Variants in KHK observed in about 807,000 individuals in gnomAD.
KHK encodes fructokinase.
Under a neutral mutation model 36.0 loss-of-function variants are expected in KHK, and 37 were observed. The ratio of observed to expected loss-of-function variants is 1.03; its 90% confidence interval spans 0.79 to 1.35. The LOEUF (loss-of-function observed/expected upper bound fraction) is 1.35. Among genes scored for constraint, KHK ranks in the 40% most tolerant of loss-of-function variants. The pLI is 0.00. For missense variants in KHK, 395 were observed against 391.9 expected, an observed-to-expected ratio of 1.01 and a Z score of -0.07; for synonymous variants, 161 against 162.8, an observed-to-expected ratio of 0.99 and a Z score of 0.08.
intron 5 of KHK, among the ~76,000 whole-genome samples, chr2:27,098,539 G>T (rs1473022745): frequency 6.6e-6 from 1 of 152,118 alleles, no homozygotes; most frequent in Admixed American, 6.5e-5. Flanking sequence ...TACTCAGGAG[G>T]CTGAGGCAGG....
intron 1 of KHK, among the ~76,000 whole-genome samples, chr2:27,090,363 A>C (rs1428635386): frequency 2.0e-5 from 3 of 151,752 alleles, no homozygotes; most frequent in Non-Finnish European, 4.4e-5. Flanking sequence ...AGATCCCTCG[A>C]GATTCCTCCT....
rs1324994729 is a variant in KHK, at chr2:27,099,410, C to T, written c.654-10C>T. 10 of 1,612,740 alleles carry T rather than the reference C, an allele frequency of 6.2e-6. No individual in the cohort carries two copies. Among genetic ancestry groups the T allele is most frequent in the East Asian group, 2.2e-5 (1 of 44,842 alleles). ...GGGCTAACACCCAGCTGAGTGGAGCCGTCTTGCAGGGCTGTGCTTGTCTGT... is the reference window on the plus strand; with the variant it reads ...GGGCTAACACCCAGCTGAGTGGAGCTGTCTTGCAGGGCTGTGCTTGTCTGT... On this transcript the variant is annotated splice_polypyrimidine_tract_variant and intron_variant, in intron 6 of 7. Coordinates refer to ENST00000260598, the MANE Select transcript of KHK (RefSeq NM_006488.3).
chr2:27,094,023 C>A (rs75648064), intron 2 of KHK, among the ~76,000 whole-genome samples: 5,124 of 152,228 alleles, frequency 0.034, 291 homozygotes, highest in African/African-American at 0.12. Context: ...GGACAGCACC[C>A]TGGATGAGCT....
At position 27,094,797 on chromosome 2, in the gene KHK, A is replaced by G. The variant is rs750042875; in HGVS notation, c.210-3A>G. 3.1e-6 allele frequency: 5 copies of G among 1,613,692 alleles called. No individual in the cohort carries two copies. In the South Asian group the frequency reaches 5.5e-5, roughly 18 times the overall value. ...CTTTTCCTGGCCCGGCCTCCACCCT[A>G]AGCTTCCTGGTGGCCGACTTCAGGC... On this transcript the variant is annotated splice_region_variant and splice_polypyrimidine_tract_variant and intron_variant, in intron 2 of 7. Coordinates refer to ENST00000260598, the MANE Select transcript of KHK (RefSeq NM_006488.3).
chr2:27,087,176 G>T lies in KHK; in HGVS notation c.-84G>T. The T allele has an allele frequency of 8.5e-7, 1 of 1,181,650 alleles. No homozygotes were observed. The highest frequency in any genetic ancestry group is 1.3e-5 in the South Asian group (1 of 75,038). The allele number at this position is 1,181,650 out of a possible 1,614,324, so 73.2% of individuals were successfully genotyped here. ...AGGAGGAGCCAGGGCAGCTGGGAGC[G>T]GGGACACCATCCTCCTGGATAAGAG... is the stretch of plus-strand genomic sequence containing the variant. On this transcript the variant is annotated 5_prime_UTR_variant, in exon 1 of 8. Transcript: ENST00000260598.
intron 4 of KHK, among the ~76,000 whole-genome samples, chr2:27,097,011 G>GT (rs1460552631): frequency 6.6e-6 from 1 of 152,214 alleles, no homozygotes; most frequent in Non-Finnish European, 1.5e-5. Context: ...ACAGCAGAAC[G>GT]TAAGCACAGC....
intron 4 of KHK, 43 bp downstream of exon 4, chr2:27,096,844 A>AGCCTCCTCCACATGTTCT (rs1433127260): frequency 2.8e-6 from 4 of 1,415,922 alleles, no homozygotes; most frequent in Non-Finnish European, 4.0e-6. Context: ...TCAACCTGCC[A>AGCCTCCTCCACATGTTCT]GCCTCCTCCA....
intron 2 of KHK, among the ~76,000 whole-genome samples, chr2:27,092,803 G>A (rs1670096843): frequency 6.6e-6 from 1 of 152,190 alleles, no homozygotes. Flanking sequence ...TGAGGCAGAA[G>A]GCAGTTAGGG....
chr2:27,100,714 G>A lies in KHK; in HGVS notation c.*964G>A, dbSNP rs1472911698. On this transcript the variant is annotated 3_prime_UTR_variant, in exon 8 of 8. Transcript: ENST00000260598. Reference sequence around the variant, plus strand: ...AATTCTGCTTGGCTACAGAATTATTGTGAGGATAAAATCATATATAAAATG... The same window carrying A: ...AATTCTGCTTGGCTACAGAATTATTATGAGGATAAAATCATATATAAAATG... 1 of 1,121,848 alleles carries A rather than the reference G, an allele frequency of 8.9e-7. No homozygotes were observed. The highest frequency in any genetic ancestry group is 1.1e-6 in the Non-Finnish European group (1 of 879,276). The allele number at this position is 1,121,848 out of a possible 1,614,324, so 69.5% of individuals were successfully genotyped here.
rs749810467 is a variant in KHK at position 27,087,318 on chromosome 2, T to G, written c.59T>G (p.Val20Gly). The change falls in exon 1 of 8, where the codon GTG becomes GGG. Residue 20 changes from valine (V) to glycine (G), a missense_variant. Val to Gly is a moderately radical substitution (Grantham distance 109). Transcript: ENST00000260598. ...GLVVLDVISL[V>G]DKYPKEDSEI... ...GTGGTGCTGGACGTCATCAGCCTGGTGGACAAGTACCCTAAGGAGGACTCG... is the reference window on the plus strand; with the variant it reads ...GTGGTGCTGGACGTCATCAGCCTGGGGGACAAGTACCCTAAGGAGGACTCG... 163 of 1,600,312 alleles carry G rather than the reference T, an allele frequency of 1.0e-4. No individual in the cohort carries two copies. Among genetic ancestry groups the G allele is most frequent in the Non-Finnish European group, 1.3e-4 (158 of 1,173,118 alleles).
chr2:27,091,642 C>T (rs1398901593), intron 1 of KHK, among the ~76,000 whole-genome samples: 2 of 152,154 alleles, frequency 1.3e-5, no homozygotes, highest in Non-Finnish European at 2.9e-5. Context: ...GCTCCAGTAA[C>T]ACTGTGAGGG....
chr2:27,099,231 G>C lies in KHK; in HGVS notation c.600G>C (p.Gly200=). 4 of 1,614,176 alleles carry C rather than the reference G, an allele frequency of 2.5e-6. No individual in the cohort carries two copies. Among genetic ancestry groups the C allele is most frequent in the Non-Finnish European group, 3.4e-6 (4 of 1,180,028 alleles). ...FVSKDVAKHL[G]FQSAEEALRG... is the part of the protein sequence containing the mutation. Reference sequence around the variant, plus strand: ...GCAAAGATGTGGCCAAGCACTTGGGGTTCCAGTCAGCAGAGGAAGCCTTGA... The same window carrying C: ...GCAAAGATGTGGCCAAGCACTTGGGCTTCCAGTCAGCAGAGGAAGCCTTGA... Residue 200 remains glycine (G), a synonymous_variant, in exon 6 of 8, where the codon GGG becomes GGC. Transcript: ENST00000260598.
Position 27,092,357 on chromosome 2 carries a change from G to A in KHK, c.118G>A (p.Gly40Arg), listed in dbSNP as rs104893643. ...IRCLSQRWQR[G>R]GNASNSCTVL... ...GTGTTTGTCCCAGAGATGGCAGCGC[G>A]GAGGCAACGCGTCCAACTCCTGCAC... The change falls in exon 2 of 8, where the codon GGA becomes AGA. Residue 40 changes from glycine (G) to arginine (R), a missense_variant. By Grantham distance (125) the Gly-to-Arg change is moderately radical. Coordinates refer to ENST00000260598, the MANE Select transcript of KHK (RefSeq NM_006488.3). 347 of 1,613,320 alleles carry A rather than the reference G, an allele frequency of 2.2e-4. 1 individual carries two copies. The highest frequency in any genetic ancestry group is 2.8e-4 in the Admixed American group (17 of 60,032).
rs1270615782 is a variant in KHK, at chr2:27,094,793, C to T, written c.210-7C>T. The T allele has an allele frequency of 6.2e-6, 10 of 1,613,956 alleles. No homozygotes were observed. Among genetic ancestry groups the T allele is most frequent in the Non-Finnish European group, 5.9e-6 (7 of 1,180,060 alleles). On this transcript the variant is annotated splice_region_variant and splice_polypyrimidine_tract_variant and intron_variant, in intron 2 of 7. Transcript: ENST00000260598. ...TGCCCTTTTCCTGGCCCGGCCTCCA[C>T]CCTAAGCTTCCTGGTGGCCGACTTC...
intron 1 of KHK, among the ~76,000 whole-genome samples, chr2:27,091,214 G>T (rs1669982545): frequency 6.6e-6 from 1 of 151,946 alleles, no homozygotes; most frequent in Non-Finnish European, 1.5e-5. Context: ...CTGAGTAGCT[G>T]GGACCACGGG....
chr2:27,092,563 A>G (rs1250477477), intron 2 of KHK, 115 bp downstream of exon 2: 3 of 789,624 alleles, frequency 3.8e-6, no homozygotes, highest in Non-Finnish European at 6.4e-6. Context: ...GTCCAGCAGA[A>G]ACGCGGGGAG....
chr2:27,087,343 G>C lies in KHK; in HGVS notation c.84G>C (p.Ser28=), dbSNP rs1414020826. Residue 28 remains serine (S), a synonymous_variant, in exon 1 of 8, where the codon TCG becomes TCC. Coordinates refer to ENST00000260598, the MANE Select transcript of KHK (RefSeq NM_006488.3). The stretch of plus-strand genomic sequence containing the variant: ...TGGACAAGTACCCTAAGGAGGACTC[G>C]GAGATAAGGTAGGGGCGCCCAGGTC... The part of the protein sequence containing the change: ...SLVDKYPKED[S]EIRCLSQRWQ... 1 of 1,590,294 alleles carries C rather than the reference G, an allele frequency of 6.3e-7. No homozygotes were observed. The highest frequency in any genetic ancestry group is 1.8e-5 in the Admixed American group (1 of 56,614).
intron 1 of KHK, 126 bp from the exon 2 acceptor site, chr2:27,092,206 T>G: frequency 2.4e-6 from 2 of 822,666 alleles, no homozygotes; most frequent in Non-Finnish European, 4.2e-6. Context: ...GGGTACAAAG[T>G]GAGACGTCGG....
chr2:27,087,106 C>G lies in KHK; in HGVS notation c.-154C>G. The G allele has an allele frequency of 1.6e-6, 1 of 636,584 alleles. No individual in the cohort carries two copies. The highest frequency in any genetic ancestry group is 2.8e-6 in the Non-Finnish European group (1 of 357,956). 39.4% of individuals were successfully genotyped at this position (636,584 alleles called of 1,614,324 possible). On this transcript the variant is annotated 5_prime_UTR_variant, in exon 1 of 8. Transcript: ENST00000260598. The stretch of plus-strand genomic sequence containing the variant: ...CCCTGCTCCTTTCGTTCCCTGCACC[C>G]CTGGCCGCTGCAGGTGGCTCCCTGG...
Sources: gnomAD v4.1 joint callset for allele counts (sites outside exome capture counted in the v4.1 genomes callset) on GRCh38, gnomAD v4.1.1 for gene constraint, MANE v1.5 for transcripts, NCBI Gene and HGNC (gene_info 2026-07-23, HGNC 2026-07-21) for gene names.